Variants in ERC2 observed in about 807,000 individuals in gnomAD.
The protein encoded by ERC2 is ERC protein 2.
In ERC2, 42 loss-of-function variants were observed where a neutral mutation model predicts 114.8. The ratio of observed to expected loss-of-function variants is 0.37; its 90% CI spans 0.29 to 0.47. The LOEUF (loss-of-function observed/expected upper bound fraction) is 0.47. ERC2 is among the 20% of genes least tolerant of loss of function. The probability of loss-of-function intolerance (pLI) is 0.99; values close to 1 mark genes in which losing one functional copy is unlikely to be tolerated. For missense variants in ERC2, 939 were observed against 1,150.7 expected, an observed-to-expected ratio of 0.82 and a Z score of 2.66; for synonymous variants, 454 against 425.5, an observed-to-expected ratio of 1.07 and a Z score of -0.82.
At chr3:55,907,202 T>A (rs941857149) in intron 13 of ERC2, among the ~76,000 whole-genome samples, 1 of 152,174 alleles carries the variant, frequency 6.6e-6, no homozygotes, top group Non-Finnish European at 1.5e-5. Flanking sequence ...AGTAGGCTAG[T>A]AGCTTTTATA....
intron 4 of ERC2, among the ~76,000 whole-genome samples, chr3:56,172,745 C>G (rs934664692): frequency 9.9e-5 from 15 of 152,132 alleles, no homozygotes; most frequent in Admixed American, 9.8e-4. Flanking sequence ...TTTTAAATTT[C>G]TAGATACTAG....
At chr3:55,577,277 G>GA (rs1050931609) in intron 17 of ERC2, among the ~76,000 whole-genome samples, 103 of 145,158 alleles carry the variant, frequency 7.1e-4, no homozygotes, top group African/African-American at 1.5e-3. Flanking sequence ...AAAAAAAAGA[G>GA]AAAAAAAAAA....
At chr3:56,004,562 T>G (rs2072328723) in intron 10 of ERC2, among the ~76,000 whole-genome samples, 1 of 152,032 alleles carries the variant, frequency 6.6e-6, no homozygotes, top group African/African-American at 2.4e-5. Flanking sequence ...AACTTTTATG[T>G]AAAAACTCCC....
intron 17 of ERC2, among the ~76,000 whole-genome samples, chr3:55,567,126 T>C (rs779488705): frequency 1.4e-4 from 21 of 152,146 alleles, no homozygotes; most frequent in Non-Finnish European, 2.4e-4. Context: ...GGGCAGGCAA[T>C]ATACAAATAT....
chr3:55,756,189 T>C (rs1250217505), intron 14 of ERC2, among the ~76,000 whole-genome samples: 1 of 152,156 alleles, frequency 6.6e-6, no homozygotes, highest in African/African-American at 2.4e-5. Flanking sequence ...TGAAACACAG[T>C]CACGAAGCTA....
chr3:55,638,924 A>T (rs937928780), intron 17 of ERC2, among the ~76,000 whole-genome samples: 5 of 152,200 alleles, frequency 3.3e-5, no homozygotes, highest in Non-Finnish European at 7.3e-5. Flanking sequence ...GAGATGGTGG[A>T]CAGCACAGGG....
intron 13 of ERC2, among the ~76,000 whole-genome samples, chr3:55,918,872 A>G (rs2149379098): frequency 6.6e-6 from 1 of 151,470 alleles, no homozygotes; most frequent in Non-Finnish European, 1.5e-5. Context: ...TGTGTAAATC[A>G]TTATTTTAAG....
intron 3 of ERC2, among the ~76,000 whole-genome samples, chr3:56,291,740 C>T (rs747871897): frequency 6.6e-6 from 1 of 151,546 alleles, no homozygotes; most frequent in Admixed American, 6.6e-5. Flanking sequence ...TCTATATTAA[C>T]AGAGGTCAGG....
intron 14 of ERC2, among the ~76,000 whole-genome samples, chr3:55,841,109 G>T (rs1304360303): frequency 6.6e-6 from 1 of 152,110 alleles, no homozygotes; most frequent in African/African-American, 2.4e-5. Flanking sequence ...ATAATTTATT[G>T]TATGTCAATC....
At chr3:55,615,591 G>A (rs529599854) in intron 17 of ERC2, among the ~76,000 whole-genome samples, 2 of 151,960 alleles carry the variant, frequency 1.3e-5, no homozygotes, top group African/African-American at 4.8e-5. Context: ...TAGCATCCGC[G>A]AAATAAAGTA....
At chr3:56,447,302 A>G (rs949531531) in intron 1 of ERC2, among the ~76,000 whole-genome samples, 3 of 152,252 alleles carry the variant, frequency 2.0e-5, no homozygotes, top group African/African-American at 4.8e-5. Flanking sequence ...ACCTTGTGGC[A>G]TCAAGATGTA....
intron 3 of ERC2, among the ~76,000 whole-genome samples, chr3:56,273,476 C>T (rs1042997009): frequency 1.3e-5 from 2 of 151,986 alleles, no homozygotes; most frequent in African/African-American, 4.8e-5. Context: ...AACTCCTGGC[C>T]TCAAGCAATC....
At chr3:56,016,295 G>T (rs1298214472) in intron 8 of ERC2, among the ~76,000 whole-genome samples, 1 of 152,008 alleles carries the variant, frequency 6.6e-6, no homozygotes, top group Non-Finnish European at 1.5e-5. Flanking sequence ...CCTGTGTCCT[G>T]AAGGGTATTG....
chr3:55,618,540 A>G (rs1044729026), intron 17 of ERC2, among the ~76,000 whole-genome samples: 4 of 152,232 alleles, frequency 2.6e-5, no homozygotes, highest in Non-Finnish European at 5.9e-5. Context: ...ATAGGTGTAT[A>G]TTTATTAATG....
intron 5 of ERC2, among the ~76,000 whole-genome samples, chr3:56,144,172 A>G (rs997106227): frequency 6.6e-6 from 1 of 152,242 alleles, no homozygotes; most frequent in African/African-American, 2.4e-5. Flanking sequence ...CACTGCTCAG[A>G]TATGTGCAGT....
chr3:56,187,284 G>C (rs1306876889), intron 3 of ERC2, among the ~76,000 whole-genome samples: 1 of 152,180 alleles, frequency 6.6e-6, no homozygotes. Flanking sequence ...GTTGGCAACA[G>C]CACTCACAGC....
At chr3:55,905,496 C>T (rs562045756) in intron 13 of ERC2, among the ~76,000 whole-genome samples, 1 of 150,244 alleles carries the variant, frequency 6.7e-6, no homozygotes, top group African/African-American at 2.5e-5. Flanking sequence ...CCCTAGCACA[C>T]GCTCTTCCAC....
At chr3:55,854,731 A>G (rs1050784065) in intron 14 of ERC2, among the ~76,000 whole-genome samples, 3 of 152,186 alleles carry the variant, frequency 2.0e-5, no homozygotes, top group African/African-American at 7.2e-5. Context: ...CATTTAAACC[A>G]TACATGTCAT....
chr3:55,897,920 C>T (rs1323312099), intron 13 of ERC2, among the ~76,000 whole-genome samples: 2 of 152,174 alleles, frequency 1.3e-5, no homozygotes, highest in Admixed American at 1.3e-4. Flanking sequence ...GAAGTTTAAG[C>T]ATCAAGGAGC....
Sources: gnomAD v4.1 joint callset for allele counts (sites outside exome capture counted in the v4.1 genomes callset) on GRCh38, gnomAD v4.1.1 for gene constraint, MANE v1.5 for transcripts, NCBI Gene and HGNC (gene_info 2026-07-23, HGNC 2026-07-21) for gene names.